The following ZNF148 variants were observed in gnomAD, a reference collection of about 807,000 sequenced individuals.
ZNF148 encodes Beta-Enolase Repressor Factor-1.
In ZNF148, 7 loss-of-function variants were observed where a neutral mutation model predicts 67.7. The ratio of observed to expected loss-of-function variants is 0.10; its 90% confidence interval spans 0.06 to 0.19. The LOEUF is 0.19. Among genes scored for constraint, ZNF148 ranks in the 10% least tolerant of loss-of-function variants. ZNF148 has a pLI of 1.00. For synonymous variants in ZNF148, 333 were observed against 330.7 expected (o/e 1.01, Z -0.08); for missense variants, 583 against 947.1 (o/e 0.62, Z 5.05).
chr3:125,366,962 A>G (rs1206649009), intron 1 of ZNF148, among the ~76,000 whole-genome samples: 1 of 152,162 alleles, frequency 6.6e-6, no homozygotes, highest in Non-Finnish European at 1.5e-5. Flanking sequence ...AAATTCAGTA[A>G]TATTTGGTAT....
At chr3:125,336,677 C>CTTTTTTTTTTTTTTTTTTTTT (rs71148176) in intron 1 of ZNF148, among the ~76,000 whole-genome samples, 2 of 95,336 alleles carry the variant, frequency 2.1e-5, no homozygotes, top group South Asian at 3.4e-4. Context: ...CAGAAATCAC[C>CTTTTTTTTTTTTTTTTTTTTT]TTTTTTTTTT....
Position 125,233,990 on chromosome 3 carries a change from A to T in ZNF148, c.787-51T>A, listed in dbSNP as rs1935970799. ...GGTTGTTTGTGGTTTTGGTCAACCA[A>T]GAAAAGAAAAAGTGAAACAAAACAA... On this transcript the variant is annotated intron_variant, in intron 8 of 8. Coordinates refer to ENST00000360647, the MANE Select transcript of ZNF148 (RefSeq NM_021964.3). The surrounding 1 kb of genome is among the most constrained non-coding windows in gnomAD (Gnocchi z 5.1). The T allele has an allele frequency of 6.6e-7, 1 of 1,526,154 alleles. No individual in the cohort carries two copies. The highest frequency in any genetic ancestry group is 2.3e-5 in the Admixed American group (1 of 43,264). The allele number at this position is 1,526,154 out of a possible 1,614,324, so 94.5% of individuals were successfully genotyped here. A position where few individuals can be genotyped will look rare whatever the true frequency, so the allele number is the denominator to read the frequency against.
At chr3:125,357,204 G>A (rs1312136315) in intron 1 of ZNF148, 1 of 152,464 alleles carries the variant, frequency 6.6e-6, no homozygotes, top group Non-Finnish European at 1.5e-5. Flanking sequence ...CGGTATCTGG[G>A]AGGTCCGGCC....
At chr3:125,260,903 GC>G (rs1474704163) in intron 7 of ZNF148, among the ~76,000 whole-genome samples, 3 of 152,122 alleles carry the variant, frequency 2.0e-5, no homozygotes, top group Non-Finnish European at 4.4e-5. Flanking sequence ...ATCACTATTT[GC>G]CCATGTTTCT....
chr3:125,249,392 C>T (rs544471880), intron 7 of ZNF148, among the ~76,000 whole-genome samples: 1 of 152,208 alleles, frequency 6.6e-6, no homozygotes, highest in South Asian at 2.1e-4. Flanking sequence ...AAGAAGACCA[C>T]ACATTTTTCC....
intron 4 of ZNF148, among the ~76,000 whole-genome samples, chr3:125,308,994 C>T (rs1193670496): frequency 6.6e-6 from 1 of 152,080 alleles, no homozygotes; most frequent in Non-Finnish European, 1.5e-5. Context: ...CAGCCAGACA[C>T]AAGAGTTACA....
At chr3:125,329,465 G>A (rs1042586293) in intron 2 of ZNF148, among the ~76,000 whole-genome samples, 27 of 150,704 alleles carry the variant, frequency 1.8e-4, no homozygotes, top group Admixed American at 2.7e-4. Flanking sequence ...GGGTTTAAGC[G>A]ATTCTTCTGC....
At chr3:125,344,671 T>C (rs1192305934) in intron 1 of ZNF148, 16 of 655,712 alleles carry the variant, frequency 2.4e-5, no homozygotes, top group Non-Finnish European at 5.6e-6. Flanking sequence ...GTTTTGATTT[T>C]CTCTCTGCTT....
intron 2 of ZNF148, among the ~76,000 whole-genome samples, chr3:125,329,847 AT>A (rs1287154709): frequency 6.6e-6 from 1 of 152,146 alleles, no homozygotes; most frequent in Non-Finnish European, 1.5e-5. Flanking sequence ...GTGGAAGTTT[AT>A]TTTTTAATAT....
chr3:125,341,363 A>C (rs994848242), intron 1 of ZNF148, among the ~76,000 whole-genome samples: 5 of 151,938 alleles, frequency 3.3e-5, no homozygotes, highest in Non-Finnish European at 7.4e-5. Flanking sequence ...TCACACCTGT[A>C]ATTTCAGCAC....
At chr3:125,366,818 T>C (rs1942718026) in intron 1 of ZNF148, among the ~76,000 whole-genome samples, 1 of 152,080 alleles carries the variant, frequency 6.6e-6, no homozygotes, top group Non-Finnish European at 1.5e-5. Flanking sequence ...TCTTTGCCAA[T>C]CAAAATCCTA....
In ZNF148 at chr3:125,226,778, A is replaced by C. The variant is rs1293675861; in HGVS notation, c.*5563T>G. On this transcript the variant is annotated 3_prime_UTR_variant, in exon 9 of 9. Coordinates refer to ENST00000360647, the MANE Select transcript of ZNF148 (RefSeq NM_021964.3). ...TTAAAAACAATTCTATTTGGAGAGCAAAATATTTTAAAATATATCGACTTA... is the reference window on the plus strand; with the variant it reads ...TTAAAAACAATTCTATTTGGAGAGCCAAATATTTTAAAATATATCGACTTA... The C allele has an allele frequency of 6.6e-6, 1 of 152,526 alleles. No individual in the cohort carries two copies. Among genetic ancestry groups the C allele is most frequent in the Non-Finnish European group, 1.5e-5 (1 of 68,026 alleles). The allele number at this position is 152,526 out of a possible 1,614,324, so 9.4% of individuals were successfully genotyped here.
chr3:125,361,793 A>T (rs1381772708), intron 1 of ZNF148, among the ~76,000 whole-genome samples: 1 of 151,554 alleles, frequency 6.6e-6, no homozygotes, highest in Non-Finnish European at 1.5e-5. Flanking sequence ...AGATTATGCC[A>T]CTGTACTGCA....
intron 1 of ZNF148, among the ~76,000 whole-genome samples, chr3:125,346,526 C>T (rs180944564): frequency 6.6e-6 from 1 of 152,294 alleles, no homozygotes; most frequent in Admixed American, 6.5e-5. Context: ...GTAATCCCCA[C>T]ATATCAAGAC....
At chr3:125,341,318 A>T (rs1174058624) in intron 1 of ZNF148, among the ~76,000 whole-genome samples, 76 of 118,586 alleles carry the variant, frequency 6.4e-4, no homozygotes, top group East Asian at 3.4e-3. Context: ...GAAAAATTTA[A>T]AAAAAAAAAA....
In ZNF148 at chr3:125,233,270, C is replaced by T; in HGVS notation, c.1456G>A (p.Glu486Lys). Residue 486 changes from glutamate (E) to lysine (K), a missense_variant, in exon 9 of 9, where the codon GAA becomes AAA. Coordinates refer to ENST00000360647, the MANE Select transcript of ZNF148 (RefSeq NM_021964.3). The surrounding 1 kb of genome is among the most constrained non-coding windows in gnomAD (Gnocchi z 5.1). ...ATGGTACCCACATTCAGCGCATATT[C>T]CCTGCTGTTGTTACTTGCTGCTTGA... ...YLQAASNNSR[E>K]YALNVGTIAS... 6.2e-7 allele frequency: 1 copy of T among 1,613,884 alleles called. No homozygotes were observed. The highest frequency in any genetic ancestry group is 8.5e-7 in the Non-Finnish European group (1 of 1,179,902).
At chr3:125,336,973 C>T (rs1169132454) in intron 1 of ZNF148, among the ~76,000 whole-genome samples, 1 of 150,088 alleles carries the variant, frequency 6.7e-6, no homozygotes, top group Non-Finnish European at 1.5e-5. Context: ...CCGCACCCAG[C>T]CAGCAATCAC....
intron 4 of ZNF148, among the ~76,000 whole-genome samples, chr3:125,300,631 G>C (rs926614001): frequency 9.2e-5 from 14 of 152,176 alleles, no homozygotes; most frequent in Admixed American, 7.9e-4. Flanking sequence ...AATGTTACAT[G>C]AATGCTAAAG....
chr3:125,266,155 A>T (rs574415055), intron 7 of ZNF148, among the ~76,000 whole-genome samples: 27 of 152,314 alleles, frequency 1.8e-4, no homozygotes, highest in Non-Finnish European at 3.5e-4. Context: ...CCTTAAATAG[A>T]TTATTGAGGC....
Sources: gnomAD v4.1 joint callset for allele counts (sites outside exome capture counted in the v4.1 genomes callset) on GRCh38, gnomAD v4.1.1 for gene constraint, Gnocchi (gnomAD v3.1) non-coding constraint, MANE v1.5 for transcripts, NCBI Gene and HGNC (gene_info 2026-07-23, HGNC 2026-07-21) for gene names.